ADAMTSL1: variants seen among roughly 807,000 people sequenced by gnomAD.
The protein encoded by ADAMTSL1 is ADAMTS like 1.
A neutral mutation model predicts 201.8 loss-of-function variants in ADAMTSL1; 126 were observed. The observed-to-expected ratio is 0.62, with a 90% CI of 0.54 to 0.72. The LOEUF (loss-of-function observed/expected upper bound fraction) is 0.72. ADAMTSL1 is among the 30% of genes least tolerant of loss of function. The pLI, the probability that ADAMTSL1 is intolerant of heterozygous loss-of-function variation, is 0.00. For missense variants in ADAMTSL1, 2,679 were observed against 2,277.8 expected, an observed-to-expected ratio of 1.18 and a Z score of -3.59; for synonymous variants, 1,121 against 903.4, an observed-to-expected ratio of 1.24 and a Z score of -4.32.
At chr9:18,547,407 A>G (rs758887093) in intron 3 of ADAMTSL1, among the ~76,000 whole-genome samples, 1 of 152,030 alleles carries the variant, frequency 6.6e-6, no homozygotes, top group Non-Finnish European at 1.5e-5. Flanking sequence ...GAAAAAGTCC[A>G]TGGACCAAAA....
At position 18,639,336 on chromosome 9, in the gene ADAMTSL1, T is replaced by G; in HGVS notation, c.759T>G (p.Ser253Arg). The change falls in exon 7 of 29, where the codon AGT (serine) becomes AGG (arginine). Residue 253 changes from serine (S) to arginine (R), a missense_variant. Coordinates refer to ENST00000380548, the MANE Select transcript of ADAMTSL1 (RefSeq NM_001040272.6). ...STGTFLVDNS[S>R]VDFQKFPDKE... ...GAACTTTCCTTGTGGACAATTCTAG[T>G]GTGGACTTCCAGAAATTTCCAGACA... The G allele has an allele frequency of 6.2e-7, 1 of 1,613,076 alleles. No homozygotes were observed. The highest frequency in any genetic ancestry group is 8.5e-7 in the Non-Finnish European group (1 of 1,179,346).
chr9:18,320,737 T>A (rs1426702105), intron 2 of ADAMTSL1, among the ~76,000 whole-genome samples: 2 of 152,176 alleles, frequency 1.3e-5, no homozygotes, highest in Non-Finnish European at 2.9e-5. Flanking sequence ...GGAATTATGC[T>A]GTTGCAAAGT....
chr9:18,642,304 A>G (rs201568187), intron 7 of ADAMTSL1, among the ~76,000 whole-genome samples: 1 of 113,036 alleles, frequency 8.8e-6, no homozygotes, highest in Non-Finnish European at 1.9e-5. Flanking sequence ...TTTATTAATT[A>G]ATTTTTAATT....
chr9:17,997,441 A>G (rs1335544800), intron 1 of ADAMTSL1, among the ~76,000 whole-genome samples: 1 of 152,078 alleles, frequency 6.6e-6, no homozygotes, highest in Non-Finnish European at 1.5e-5. Context: ...AAATGAGAAC[A>G]TTTGTCACTC....
chr9:18,681,699 G>GGTTGGGA, intron 11 of ADAMTSL1, 113 bp from the exon 12 acceptor site: 1 of 287,422 alleles, frequency 3.5e-6, no homozygotes, highest in Non-Finnish European at 5.1e-6. Context: ...TCCTCGTGTG[G>GGTTGGGA]GGGGGGGGGG....
At chr9:18,426,328 A>G (rs568595262) in intron 2 of ADAMTSL1, among the ~76,000 whole-genome samples, 7 of 152,116 alleles carry the variant, frequency 4.6e-5, no homozygotes, top group Non-Finnish European at 7.4e-5. Flanking sequence ...CTTTGCATTC[A>G]AGTTACTCTC....
intron 1 of ADAMTSL1, among the ~76,000 whole-genome samples, chr9:17,949,209 A>T (rs1038612597): frequency 2.6e-5 from 4 of 152,176 alleles, no homozygotes; most frequent in African/African-American, 9.6e-5. Flanking sequence ...TTAAATTTTG[A>T]AGATTTTTGC....
At chr9:18,216,296 T>C (rs555034160) in intron 2 of ADAMTSL1, among the ~76,000 whole-genome samples, 2 of 152,270 alleles carry the variant, frequency 1.3e-5, no homozygotes, top group East Asian at 3.9e-4. Context: ...TAATCTGAGA[T>C]TGGAATAAGC....
chr9:18,446,498 A>G (rs1277887113), intron 2 of ADAMTSL1, among the ~76,000 whole-genome samples: 1 of 152,264 alleles, frequency 6.6e-6, no homozygotes, highest in Non-Finnish European at 1.5e-5. Context: ...AAGTATCACA[A>G]AATGTCAACC....
chr9:18,320,346 G>A (rs1834569419), intron 2 of ADAMTSL1, among the ~76,000 whole-genome samples: 1 of 152,160 alleles, frequency 6.6e-6, no homozygotes, highest in Non-Finnish European at 1.5e-5. Flanking sequence ...TGATGCTGAA[G>A]AAAATGCATC....
At chr9:18,903,983 G>T (rs1304689082) in intron 26 of ADAMTSL1, among the ~76,000 whole-genome samples, 1 of 151,692 alleles carries the variant, frequency 6.6e-6, no homozygotes, top group Non-Finnish European at 1.5e-5. Context: ...TTTAGAGATG[G>T]GGTCTCACTA....
chr9:18,657,023 C>A (rs1180827407), intron 7 of ADAMTSL1, among the ~76,000 whole-genome samples: 1 of 152,034 alleles, frequency 6.6e-6, no homozygotes, highest in Non-Finnish European at 1.5e-5. Context: ...GTTTTTATGA[C>A]ATAAATTTGT....
chr9:17,941,535 T>C (rs1386274997), intron 1 of ADAMTSL1, among the ~76,000 whole-genome samples: 2 of 152,164 alleles, frequency 1.3e-5, no homozygotes, highest in Non-Finnish European at 2.9e-5. Flanking sequence ...GAATCTCCTG[T>C]GTAATACAGT....
chr9:18,875,798 T>C (rs1170371416), intron 23 of ADAMTSL1, among the ~76,000 whole-genome samples: 1 of 151,796 alleles, frequency 6.6e-6, no homozygotes, highest in Non-Finnish European at 1.5e-5. Context: ...GTTTATTGTT[T>C]CTTTGTTGAC....
At chr9:18,796,787 C>T (rs1822454522) in intron 20 of ADAMTSL1, 1 of 152,154 alleles carries the variant, frequency 6.6e-6, no homozygotes, top group Admixed American at 6.5e-5. Flanking sequence ...AATCTTTATT[C>T]CCCTCTTTAT....
intron 1 of ADAMTSL1, among the ~76,000 whole-genome samples, chr9:18,120,881 T>C (rs951550627): frequency 1.3e-5 from 2 of 152,206 alleles, no homozygotes; most frequent in East Asian, 3.9e-4. Context: ...AATACATTAA[T>C]GTTTGATGCT....
intron 1 of ADAMTSL1, among the ~76,000 whole-genome samples, chr9:18,494,911 G>T (rs372550892): frequency 6.6e-6 from 1 of 152,146 alleles, no homozygotes; most frequent in Admixed American, 6.5e-5. Flanking sequence ...GAACAGTTGA[G>T]CTTTGTATTC....
At chr9:18,528,329 C>G (rs1360994387) in intron 2 of ADAMTSL1, among the ~76,000 whole-genome samples, 1 of 152,102 alleles carries the variant, frequency 6.6e-6, no homozygotes, top group African/African-American at 2.4e-5. Context: ...ATTAGCTATT[C>G]TTTCTGGTAC....
rs144002252 is a variant in ADAMTSL1, at chr9:18,185,919, A to G, written c.207+21938A>G. Reference sequence around the variant, plus strand: ...TGTGTTTGACCATGGAACATGGAATAGTTTGAGAATTTAAAATTTACTCTA... The same window carrying G: ...TGTGTTTGACCATGGAACATGGAATGGTTTGAGAATTTAAAATTTACTCTA... On this transcript the variant is annotated intron_variant, in intron 2 of 29. Coordinates refer to the ADAMTSL1 transcript ENST00000680146. 9.2e-5 allele frequency among the ~76,000 whole-genome samples: 14 copies of G among 152,322 alleles called. No homozygotes were observed. The East Asian group carries it at 2.3e-3, about 25-fold the overall frequency.
Sources: gnomAD v4.1 joint callset for allele counts (sites outside exome capture counted in the v4.1 genomes callset) on GRCh38, gnomAD v4.1.1 for gene constraint, MANE v1.5 for transcripts, NCBI Gene and HGNC (gene_info 2026-07-23, HGNC 2026-07-21) for gene names.